The following CCDC126 variants were observed in gnomAD, a reference collection of about 807,000 sequenced individuals.
CCDC126 encodes coiled-coil domain-containing protein 126.
A neutral mutation model predicts 11.7 loss-of-function variants in CCDC126; 5 were observed. That is an observed-to-expected ratio of 0.43 (90% confidence interval 0.22 to 0.90). The LOEUF is 0.90. Among genes scored for constraint, CCDC126 ranks in the 40% least tolerant of loss-of-function variants. The pLI is 0.27. For synonymous variants in CCDC126, 60 were observed against 61.9 expected (o/e 0.97, Z 0.14); for missense variants, 150 against 163.1 (o/e 0.92, Z 0.44).
At chr7:23,613,048 C>T (rs1782743100) in intron 3 of CCDC126, among the ~76,000 whole-genome samples, 1 of 152,204 alleles carries the variant, frequency 6.6e-6, no homozygotes, top group African/African-American at 2.4e-5. Flanking sequence ...CAGTGGCTCA[C>T]ATCTGTAACC....
At chr7:23,636,798 A>C (rs1434845252) in intron 3 of CCDC126, among the ~76,000 whole-genome samples, 1 of 114,278 alleles carries the variant, frequency 8.8e-6, no homozygotes, top group African/African-American at 3.6e-5. Context: ...CCGCCCGGCC[A>C]GCCGCCCCGT....
intron 3 of CCDC126, among the ~76,000 whole-genome samples, chr7:23,637,415 C>A (rs1179289668): frequency 1.7e-5 from 1 of 59,148 alleles, no homozygotes; most frequent in Non-Finnish European, 3.4e-5. Context: ...CCAGCCGCCC[C>A]GTCCGGGAGG....
chr7:23,638,279 G>C (rs1783280154), intron 3 of CCDC126, among the ~76,000 whole-genome samples: 1 of 150,986 alleles, frequency 6.6e-6, no homozygotes, highest in Non-Finnish European at 1.5e-5. Flanking sequence ...AGAAAGGCGG[G>C]AAGGGTGGGG....
intron 3 of CCDC126, among the ~76,000 whole-genome samples, chr7:23,618,188 A>C (rs1782826719): frequency 6.6e-6 from 1 of 152,250 alleles, no homozygotes; most frequent in Admixed American, 6.5e-5. Context: ...TCTCACCTGA[A>C]CTTCAATGTA....
At chr7:23,616,554 A>AGAAATAATTTTCCTTGAGATG (rs1465735118) in intron 3 of CCDC126, among the ~76,000 whole-genome samples, 1 of 152,222 alleles carries the variant, frequency 6.6e-6, no homozygotes, top group Non-Finnish European at 1.5e-5. Flanking sequence ...GGCTGGGTGT[A>AGAAATAATTTTCCTTGAGATG]GAAATAATTT....
chr7:23,605,649 C>G (rs1354253079), intron 2 of CCDC126, among the ~76,000 whole-genome samples: 2 of 152,172 alleles, frequency 1.3e-5, no homozygotes, highest in African/African-American at 4.8e-5. Context: ...GAACATCTTA[C>G]TTCCTTAGGG....
Position 23,642,920 on chromosome 7 carries a change from T to C in CCDC126, c.239-11T>C. 1 of 1,610,628 alleles carries C rather than the reference T, an allele frequency of 6.2e-7. No homozygotes were observed. Among genetic ancestry groups the C allele is most frequent in the Non-Finnish European group, 8.5e-7 (1 of 1,177,700 alleles). Reference sequence around the variant, plus strand: ...TATTAATGTTAATTTTATTCTGATTTATTCCCCTAGCGGATCTGAAAAGAA... The same window carrying C: ...TATTAATGTTAATTTTATTCTGATTCATTCCCCTAGCGGATCTGAAAAGAA... On this transcript the variant is annotated splice_polypyrimidine_tract_variant and intron_variant, in intron 3 of 3. Transcript: ENST00000307471.
intron 2 of CCDC126, among the ~76,000 whole-genome samples, chr7:23,608,701 C>CTAA (rs1312749736): frequency 2.6e-5 from 4 of 152,128 alleles, no homozygotes; most frequent in Non-Finnish European, 5.9e-5. Flanking sequence ...TTAGAACTGC[C>CTAA]TAATGGTGGT....
intron 2 of CCDC126, among the ~76,000 whole-genome samples, chr7:23,608,109 C>T (rs1782651141): frequency 1.3e-5 from 2 of 152,164 alleles, no homozygotes; most frequent in Admixed American, 1.3e-4. Context: ...CTAGGTCCTG[C>T]ATATAAAAAA....
At chr7:23,608,660 T>C (rs2128015230) in intron 2 of CCDC126, among the ~76,000 whole-genome samples, 1 of 152,132 alleles carries the variant, frequency 6.6e-6, no homozygotes, top group East Asian at 1.9e-4. Flanking sequence ...GGGAGGGAAG[T>C]ATAATGAAGT....
chr7:23,621,639 G>T (rs912972380), intron 3 of CCDC126, among the ~76,000 whole-genome samples: 28 of 152,270 alleles, frequency 1.8e-4, no homozygotes, highest in Non-Finnish European at 3.4e-4. Context: ...GGTGAGAGAG[G>T]TCATCCCTGT....
At chr7:23,599,853 C>A (rs978564877) in intron 2 of CCDC126, among the ~76,000 whole-genome samples, 1 of 152,186 alleles carries the variant, frequency 6.6e-6, no homozygotes, top group African/African-American at 2.4e-5. Flanking sequence ...GGTGCGATCT[C>A]TGCACACTGC....
intron 3 of CCDC126, among the ~76,000 whole-genome samples, chr7:23,637,971 G>A (rs1413487882): frequency 4.1e-5 from 5 of 121,908 alleles, no homozygotes; most frequent in Non-Finnish European, 7.1e-5. Context: ...AGGTGGGGGG[G>A]TCAGCCCCCC....
At chr7:23,633,282 G>A (rs1278099114) in intron 3 of CCDC126, among the ~76,000 whole-genome samples, 1 of 152,188 alleles carries the variant, frequency 6.6e-6, no homozygotes, top group Admixed American at 6.5e-5. Context: ...GTGAGCCACT[G>A]TGCCCGGCCC....
At chr7:23,610,704 G>T (rs140838483) in intron 2 of CCDC126, among the ~76,000 whole-genome samples, 1 of 151,876 alleles carries the variant, frequency 6.6e-6, no homozygotes, top group Non-Finnish European at 1.5e-5. Context: ...GGCACACTCT[G>T]TTTATATTGT....
At chr7:23,627,826 T>C (rs1259513322) in intron 3 of CCDC126, among the ~76,000 whole-genome samples, 1 of 152,028 alleles carries the variant, frequency 6.6e-6, no homozygotes, top group Non-Finnish European at 1.5e-5. Context: ...ACTCCTGGGC[T>C]CAAGCAGTCC....
intron 3 of CCDC126, among the ~76,000 whole-genome samples, chr7:23,627,672 C>T (rs951978406): frequency 6.6e-6 from 1 of 152,046 alleles, no homozygotes. Flanking sequence ...GATCATGGCT[C>T]ACTGCAGCCT....
At chr7:23,605,710 T>A (rs139887336) in intron 2 of CCDC126, among the ~76,000 whole-genome samples, 262 of 152,354 alleles carry the variant, frequency 1.7e-3, no homozygotes, top group Middle Eastern at 3.4e-3. Context: ...TATCTGTTTA[T>A]CTGTTGATGG....
At chr7:23,619,888 A>G (rs1332348704) in intron 3 of CCDC126, among the ~76,000 whole-genome samples, 1 of 151,816 alleles carries the variant, frequency 6.6e-6, no homozygotes, top group Non-Finnish European at 1.5e-5. Context: ...AGCTTCATCC[A>G]TGTCCCTACA....
Sources: allele counts gnomAD v4.1 joint callset (sites outside exome capture counted in the v4.1 genomes callset), GRCh38; gene constraint gnomAD v4.1.1; transcripts MANE v1.5; gene names NCBI Gene and HGNC (gene_info 2026-07-23, HGNC 2026-07-21).